Variants in SLC39A11 observed in about 807,000 individuals in gnomAD.
SLC39A11 encodes zinc transporter ZIP11.
In SLC39A11, 33 loss-of-function variants were observed where a neutral mutation model predicts 36.1. The observed-to-expected ratio is 0.91, with a 90% CI of 0.69 to 1.22. The LOEUF (loss-of-function observed/expected upper bound fraction) is 1.22. Ranked by LOEUF, SLC39A11 falls within the 50% of genes most tolerant of loss-of-function variation. The probability of loss-of-function intolerance (pLI) is 0.00; values close to 1 mark genes in which losing one functional copy is unlikely to be tolerated. For synonymous variants in SLC39A11, 166 were observed against 170.3 expected, an observed-to-expected ratio of 0.97 and a Z score of 0.20; for missense variants, 432 against 430.3, an observed-to-expected ratio of 1.00 and a Z score of -0.03.
intron 6 of SLC39A11, among the ~76,000 whole-genome samples, chr17:72,779,024 T>C (rs564319311): frequency 6.6e-6 from 1 of 152,340 alleles, no homozygotes; most frequent in South Asian, 2.1e-4. Flanking sequence ...CCTGCCCTGA[T>C]CCTGCCGAAC....
chr17:73,026,044 G>A (rs968261259), intron 4 of SLC39A11, among the ~76,000 whole-genome samples: 1 of 152,048 alleles, frequency 6.6e-6, no homozygotes, highest in African/African-American at 2.4e-5. Context: ...CTTGAACCCG[G>A]GAGGCGGAGG....
At chr17:72,941,921 C>T (rs2085131127) in intron 5 of SLC39A11, among the ~76,000 whole-genome samples, 1 of 151,774 alleles carries the variant, frequency 6.6e-6, no homozygotes, top group Non-Finnish European at 1.5e-5. Context: ...CACTCTGTCG[C>T]CCAGGCTGGA....
chr17:72,900,208 A>AGAAGGAAGGAAGGAAAGAAAGAAG lies in SLC39A11; in HGVS notation c.430+47543_430+47544insCTTCTTTCTTTCCTTCCTTCCTTC, dbSNP rs1567913113. Among the ~76,000 whole-genome samples the AGAAGGAAGGAAGGAAAGAAAGAAG allele has an allele frequency of 3.9e-4, 54 of 136,938 alleles. 3 individuals are homozygous for AGAAGGAAGGAAGGAAAGAAAGAAG. Among genetic ancestry groups the AGAAGGAAGGAAGGAAAGAAAGAAG allele is most frequent in the African/African-American group, 1.5e-3 (49 of 32,030 alleles). 89.8% of individuals were successfully genotyped at this position (136,938 alleles called of 152,430 possible). A position where few individuals can be genotyped will look rare whatever the true frequency, so the allele number is the denominator to read the frequency against. On this transcript the variant is annotated intron_variant, in intron 5 of 9. Transcript: ENST00000255559. The stretch of plus-strand genomic sequence containing the variant: ...AAGAAAGAAAGAAAGAAAGAAAGAA[A>AGAAGGAAGGAAGGAAAGAAAGAAG]GAAAGAAAGAAAGAAAGAAAGAAAA...
intron 6 of SLC39A11, among the ~76,000 whole-genome samples, chr17:72,749,516 T>G (rs2075069027): frequency 6.6e-6 from 1 of 152,164 alleles, no homozygotes; most frequent in African/African-American, 2.4e-5. Context: ...TCTGTAAATA[T>G]GAGGACACAG....
At chr17:72,675,964 C>T (rs1405065867) in intron 7 of SLC39A11, among the ~76,000 whole-genome samples, 1 of 151,834 alleles carries the variant, frequency 6.6e-6, no homozygotes, top group Non-Finnish European at 1.5e-5. Context: ...CAGGTGTGAG[C>T]CACTGTGCCC....
chr17:73,061,290 G>A (rs2059832635), intron 3 of SLC39A11, among the ~76,000 whole-genome samples: 1 of 152,090 alleles, frequency 6.6e-6, no homozygotes, highest in Non-Finnish European at 1.5e-5. Flanking sequence ...AACCCAGAAG[G>A]CAGAGGTTGC....
intron 5 of SLC39A11, among the ~76,000 whole-genome samples, chr17:72,874,774 C>A (rs1159581967): frequency 6.6e-6 from 1 of 152,150 alleles, no homozygotes; most frequent in Non-Finnish European, 1.5e-5. Context: ...TTGGCCATAG[C>A]CAGCAAAAGC....
chr17:73,059,559 A>G (rs1026778853), intron 3 of SLC39A11, among the ~76,000 whole-genome samples: 2 of 151,754 alleles, frequency 1.3e-5, no homozygotes, highest in African/African-American at 4.8e-5. Flanking sequence ...GGAGGCTGAG[A>G]CAGGAGAATC....
intron 3 of SLC39A11, among the ~76,000 whole-genome samples, chr17:73,042,012 T>A (rs920192535): frequency 4.6e-5 from 7 of 150,686 alleles, no homozygotes; most frequent in Non-Finnish European, 8.9e-5. Flanking sequence ...TAGAATGATT[T>A]AAAAAAAAAA....
chr17:72,769,931 C>G (rs1021525115), intron 6 of SLC39A11, among the ~76,000 whole-genome samples: 17 of 152,164 alleles, frequency 1.1e-4, no homozygotes, highest in Non-Finnish European at 1.9e-4. Flanking sequence ...GGAAGCTCCC[C>G]CTGGCTTCCA....
intron 4 of SLC39A11, among the ~76,000 whole-genome samples, chr17:72,971,193 T>C (rs142481157): frequency 1.7e-4 from 26 of 152,274 alleles, no homozygotes; most frequent in African/African-American, 5.3e-4. Context: ...TCTCTGATGA[T>C]AGATTTGGGA....
intron 6 of SLC39A11, among the ~76,000 whole-genome samples, chr17:72,835,154 T>C (rs2145774664): frequency 6.6e-6 from 1 of 152,342 alleles, no homozygotes; most frequent in East Asian, 1.9e-4. Context: ...TGTCATCCCA[T>C]GTAGGAGCCT....
chr17:73,036,591 T>C (rs1428575155), intron 3 of SLC39A11, among the ~76,000 whole-genome samples: 1 of 152,084 alleles, frequency 6.6e-6, no homozygotes, highest in Non-Finnish European at 1.5e-5. Context: ...GGATTACAGG[T>C]GCCCACCATG....
chr17:73,037,049 C>A (rs548410015), intron 3 of SLC39A11, among the ~76,000 whole-genome samples: 44 of 152,262 alleles, frequency 2.9e-4, no homozygotes, highest in South Asian at 6.2e-4. Flanking sequence ...CATGTCTTCT[C>A]ATGACTTGAT....
intron 7 of SLC39A11, among the ~76,000 whole-genome samples, chr17:72,668,337 T>C (rs932038324): frequency 1.3e-5 from 2 of 151,176 alleles, no homozygotes; most frequent in Non-Finnish European, 2.9e-5. Context: ...TCTGATTAGA[T>C]GCTGAGTTTA....
chr17:72,864,410 T>C (rs2080197706), intron 5 of SLC39A11, among the ~76,000 whole-genome samples: 2 of 151,540 alleles, frequency 1.3e-5, no homozygotes, highest in Non-Finnish European at 1.5e-5. Context: ...GGGCTTTACC[T>C]GCAGATCTGT....
intron 3 of SLC39A11, among the ~76,000 whole-genome samples, chr17:73,036,366 A>C (rs2143247784): frequency 6.6e-6 from 1 of 152,334 alleles, no homozygotes; most frequent in East Asian, 1.9e-4. Flanking sequence ...CCACAGTGGT[A>C]CAATTGATAC....
chr17:72,771,932 A>G (rs1317576447), intron 6 of SLC39A11, among the ~76,000 whole-genome samples: 1 of 152,172 alleles, frequency 6.6e-6, no homozygotes, highest in African/African-American at 2.4e-5. Context: ...TCTCTCCAAG[A>G]GGGGAGCCTC....
chr17:72,915,474 T>G (rs916518303), intron 5 of SLC39A11, among the ~76,000 whole-genome samples: 5 of 152,206 alleles, frequency 3.3e-5, no homozygotes, highest in Non-Finnish European at 7.3e-5. Flanking sequence ...GTGGCCTGTG[T>G]GGTACAACGT....
Sources: allele counts gnomAD v4.1 joint callset (sites outside exome capture counted in the v4.1 genomes callset), GRCh38; gene constraint gnomAD v4.1.1; transcripts MANE v1.5; gene names NCBI Gene and HGNC (gene_info 2026-07-23, HGNC 2026-07-21).